RALY: variants seen among roughly 807,000 people sequenced by gnomAD.
RALY encodes RALY heterogeneous nuclear ribonucleoprotein.
RALY carries 15 observed loss-of-function variants against 30.7 expected under a neutral mutation model. The observed-to-expected ratio is 0.49, with a 90% CI of 0.33 to 0.75. The LOEUF (loss-of-function observed/expected upper bound fraction) is 0.75. Ranked by LOEUF, RALY falls within the 30% of genes least tolerant of loss-of-function variation. The pLI is 0.02. For synonymous variants in RALY, 177 were observed against 170.8 expected, an observed-to-expected ratio of 1.04 and a Z score of -0.28; for missense variants, 339 against 414.3, an observed-to-expected ratio of 0.82 and a Z score of 1.58.
chr20:33,998,865 G>A lies in RALY; in HGVS notation c.-93+4734G>A, dbSNP rs182113783. Among the ~76,000 whole-genome samples, 18 of 152,082 alleles carry A rather than the reference G, an allele frequency of 1.2e-4. No homozygotes were observed. The East Asian group carries it at 3.3e-3, about 28-fold the overall frequency. On this transcript the variant is annotated intron_variant, in intron 1 of 9. Transcript: ENST00000246194. ...GGAATTGCTGGGCGTGGTGGCTCAC[G>A]TTTGTAGTCCTAGCACTTTGGGAGG...
chr20:34,036,297 A>G (rs540471553), intron 2 of RALY, among the ~76,000 whole-genome samples: 1 of 152,262 alleles, frequency 6.6e-6, no homozygotes, highest in South Asian at 2.1e-4. Flanking sequence ...TTTTATTCCT[A>G]GTTTATTGAG....
intron 2 of RALY, among the ~76,000 whole-genome samples, chr20:34,051,306 C>T (rs1601474125): frequency 1.3e-5 from 2 of 152,236 alleles, no homozygotes. Context: ...GAGCCCAAAA[C>T]AGAACCAAGA....
intron 3 of RALY, among the ~76,000 whole-genome samples, chr20:34,072,956 GT>G (rs2033771862): frequency 6.7e-6 from 1 of 148,946 alleles, no homozygotes; most frequent in African/African-American, 2.6e-5. Context: ...GTGTGTGTGT[GT>G]GTGAGAGAGA....
intron 1 of RALY, among the ~76,000 whole-genome samples, chr20:34,001,750 A>G (rs559815625): frequency 4.1e-4 from 62 of 152,212 alleles, no homozygotes; most frequent in Non-Finnish European, 7.2e-4. Context: ...TGACCACACT[A>G]TACTGAGAAA....
At position 34,077,242 on chromosome 20, in the gene RALY, G is replaced by C; in HGVS notation, c.873G>C (p.Glu291Asp). The change falls in exon 8 of 10, where the codon GAG becomes GAC. Residue 291 changes from glutamate to aspartate, a missense_variant. By Grantham distance (45) the Glu-to-Asp change is conservative (BLOSUM62 2). Around this residue, in one of 2 missense-constraint regions of RALY, gnomAD observed 268 missense variants for 280.6 expected, o/e 0.95. Coordinates refer to ENST00000246194, the MANE Select transcript of RALY (RefSeq NM_016732.3). ...EEGLLTHSEE[E>D]LEHSQDTDAD... ...GGCTCCTGACACACAGCGAGGAAGA[G>C]CTGGTGAGGGCCTGGCCAGGGGCAC... 6.2e-7 allele frequency: 1 copy of C among 1,613,740 alleles called. No individual in the cohort carries two copies. The highest frequency in any genetic ancestry group is 8.5e-7 in the Non-Finnish European group (1 of 1,179,804).
chr20:34,013,046 A>G (rs2031469920), intron 1 of RALY, among the ~76,000 whole-genome samples: 1 of 152,216 alleles, frequency 6.6e-6, no homozygotes. Context: ...TCAATAAATT[A>G]TGTGAGATAT....
At chr20:34,031,318 C>G (rs1308040038) in intron 1 of RALY, among the ~76,000 whole-genome samples, 1 of 151,622 alleles carries the variant, frequency 6.6e-6, no homozygotes, top group East Asian at 1.9e-4. Flanking sequence ...CCCTCGGCCT[C>G]CCAAAGTGCT....
intron 2 of RALY, among the ~76,000 whole-genome samples, chr20:34,053,121 A>G (rs1052303487): frequency 2.6e-5 from 4 of 152,116 alleles, no homozygotes; most frequent in Admixed American, 2.0e-4. Flanking sequence ...CGGCCTCCCA[A>G]AGTGCTGGGA....
chr20:34,058,372 A>G (rs1318150037), intron 2 of RALY, among the ~76,000 whole-genome samples: 2 of 152,044 alleles, frequency 1.3e-5, no homozygotes, highest in South Asian at 2.1e-4. Context: ...TCATTACACC[A>G]AGTTTATTAA....
chr20:34,075,705 G>T (rs541378680), intron 5 of RALY, among the ~76,000 whole-genome samples, 169 bp from the exon 6 acceptor site: 2 of 152,124 alleles, frequency 1.3e-5, no homozygotes, highest in Non-Finnish European at 2.9e-5. Context: ...CAGCCATCAG[G>T]GTCCGGCAAG....
intron 1 of RALY, among the ~76,000 whole-genome samples, chr20:34,025,177 C>T (rs2031971970): frequency 6.6e-6 from 1 of 152,198 alleles, no homozygotes; most frequent in South Asian, 2.1e-4. Flanking sequence ...AGCCATTAGG[C>T]TGAGATTATC....
intron 1 of RALY, among the ~76,000 whole-genome samples, chr20:34,000,477 G>C (rs1307738629): frequency 6.6e-6 from 1 of 152,062 alleles, no homozygotes; most frequent in Non-Finnish European, 1.5e-5. Flanking sequence ...TATTAATGTT[G>C]GTCATCTTTT....
In RALY at chr20:34,077,185, A is replaced by C; in HGVS notation, c.816A>C (p.Glu272Asp). 1 of 1,613,844 alleles carries C rather than the reference A, an allele frequency of 6.2e-7. No individual in the cohort carries two copies. The highest frequency in any genetic ancestry group is 2.2e-5 in the East Asian group (1 of 44,866). Residue 272 changes from glutamate (E) to aspartate (D), a missense_variant, in exon 8 of 10, where the codon GAA becomes GAC. Around this residue, in one of 2 missense-constraint regions of RALY, gnomAD observed 268 missense variants for 280.6 expected, o/e 0.95. Coordinates refer to ENST00000246194, the MANE Select transcript of RALY (RefSeq NM_016732.3). ...CTGAGGCAGGCCTGCCCCAGGGGGA[A>C]GCACGGACCCGAGACGACGGCGATG... ...TTSEAGLPQG[E>D]ARTRDDGDEE... is the part of the protein sequence containing the mutation.
chr20:34,075,635 G>C (rs1601513088), intron 5 of RALY, among the ~76,000 whole-genome samples: 1 of 152,120 alleles, frequency 6.6e-6, no homozygotes, highest in Admixed American at 6.5e-5. Context: ...CTGATGCCTT[G>C]CCTGCCCTTA....
intron 1 of RALY, among the ~76,000 whole-genome samples, chr20:34,022,892 C>T (rs2031881731): frequency 6.6e-6 from 1 of 152,158 alleles, no homozygotes. Context: ...CCCAAAGTTC[C>T]CCTCTCTTTT....
At chr20:34,008,345 AG>A (rs1324941572) in intron 1 of RALY, among the ~76,000 whole-genome samples, 1 of 152,196 alleles carries the variant, frequency 6.6e-6, no homozygotes, top group African/African-American at 2.4e-5. Flanking sequence ...ATCCTGCATC[AG>A]GGGAGAACAT....
Position 34,083,229 on chromosome 20 carries a change from TTA to T in RALY, c.*3326_*3327del, listed in dbSNP as rs1247735365. On this transcript the variant is annotated 3_prime_UTR_variant, in exon 10 of 10. Coordinates refer to ENST00000246194, the MANE Select transcript of RALY (RefSeq NM_016732.3). ...TGGGCTGTGTTCAGTGTGGTGGTTC[TTA>T]TCTCATCTGGGCCCTCGTGTGGCTG... 6.6e-6 allele frequency: 1 copy of T among 152,272 alleles called. No homozygotes were observed. Among genetic ancestry groups the T allele is most frequent in the Non-Finnish European group, 1.5e-5 (1 of 68,074 alleles). The allele number at this position is 152,272 out of a possible 1,614,324, so 9.4% of individuals were successfully genotyped here. A position where few individuals can be genotyped will look rare whatever the true frequency, so the allele number is the denominator to read the frequency against.
Position 34,081,098 on chromosome 20 carries a change from A to T in RALY, c.*1193A>T, listed in dbSNP as rs2034023353. ...TCACCTACTTCCCCCTTCATTCCCC[A>T]CAATGAATGGATCCATTTTCCCCAT... is the stretch of plus-strand genomic sequence containing the variant. On this transcript the variant is annotated 3_prime_UTR_variant, in exon 10 of 10. Coordinates refer to ENST00000246194, the MANE Select transcript of RALY (RefSeq NM_016732.3). 1 of 152,140 alleles carries T rather than the reference A, an allele frequency of 6.6e-6. No individual in the cohort carries two copies. The highest frequency in any genetic ancestry group is 2.4e-5 in the African/African-American group (1 of 41,412). 9.4% of individuals were successfully genotyped at this position (152,140 alleles called of 1,614,324 possible). A position where few individuals can be genotyped will look rare whatever the true frequency, so the allele number is the denominator to read the frequency against.
At position 34,073,882 on chromosome 20, in the gene RALY, G is replaced by T. The variant is rs967910094; in HGVS notation, c.377+16G>T. On this transcript the variant is annotated intron_variant, in intron 5 of 9. Coordinates refer to ENST00000246194, the MANE Select transcript of RALY (RefSeq NM_016732.3). ...TCTACGACAGGTGAGCAGGGGAGGG[G>T]CGTGCCCAGGCATGAAACAGCCAAG... The T allele has an allele frequency of 6.2e-7, 1 of 1,612,852 alleles. No homozygotes were observed.
Sources: gnomAD v4.1 joint callset for allele counts (sites outside exome capture counted in the v4.1 genomes callset) on GRCh38, gnomAD v4.1.1 for gene constraint, gnomAD v4.1.1 regional missense constraint, MANE v1.5 for transcripts, NCBI Gene and HGNC (gene_info 2026-07-23, HGNC 2026-07-21) for gene names.